Variants in CDH7 observed in about 807,000 individuals in gnomAD.
CDH7 encodes cadherin-7.
CDH7 carries 25 observed loss-of-function variants against 71.8 expected under a neutral mutation model. That is an observed-to-expected ratio of 0.35 (90% CI 0.25 to 0.49). The LOEUF is 0.49. Among genes scored for constraint, CDH7 ranks in the 20% least tolerant of loss-of-function variants. The pLI, the probability that CDH7 is intolerant of heterozygous loss-of-function variation, is 0.99. For synonymous variants in CDH7, 381 were observed against 363.8 expected, an observed-to-expected ratio of 1.05 and a Z score of -0.54; for missense variants, 862 against 974.6, an observed-to-expected ratio of 0.88 and a Z score of 1.54.
chr18:65,786,091 T>C (rs573536579), intron 2 of CDH7, among the ~76,000 whole-genome samples: 1 of 152,200 alleles, frequency 6.6e-6, no homozygotes, highest in African/African-American at 2.4e-5. Context: ...CCCATTAATA[T>C]GGTTGTAACA....
intron 6 of CDH7, among the ~76,000 whole-genome samples, chr18:65,831,910 C>G (rs572294620): frequency 6.6e-6 from 1 of 151,740 alleles, no homozygotes; most frequent in Non-Finnish European, 1.5e-5. Context: ...TCCACCAAAA[C>G]GAACAGTTTT....
intron 2 of CDH7, among the ~76,000 whole-genome samples, chr18:65,764,490 A>G (rs905534001): frequency 1.3e-5 from 2 of 151,988 alleles, no homozygotes; most frequent in African/African-American, 4.8e-5. Flanking sequence ...TATGCTAAAT[A>G]TCTGTCTCAC....
At chr18:65,770,689 A>G (rs1916515441) in intron 2 of CDH7, among the ~76,000 whole-genome samples, 1 of 152,212 alleles carries the variant, frequency 6.6e-6, no homozygotes, top group African/African-American at 2.4e-5. Context: ...TAATAAAATA[A>G]GTAGAATAAT....
At chr18:65,781,076 A>G (rs1754742970) in intron 2 of CDH7, among the ~76,000 whole-genome samples, 1 of 152,092 alleles carries the variant, frequency 6.6e-6, no homozygotes, top group African/African-American at 2.4e-5. Flanking sequence ...AAACACAAAT[A>G]AGAATCTTCC....
intron 10 of CDH7, among the ~76,000 whole-genome samples, chr18:65,861,068 T>A (rs1444399363): frequency 6.6e-6 from 1 of 152,160 alleles, no homozygotes; most frequent in Non-Finnish European, 1.5e-5. Context: ...ATATCCCCCA[T>A]GTGTCACCAT....
chr18:65,865,068 C>T (rs138889475), intron 11 of CDH7, among the ~76,000 whole-genome samples: 224 of 152,090 alleles, frequency 1.5e-3, no homozygotes, highest in African/African-American at 5.2e-3. Context: ...TTGTATTCCC[C>T]AAATTTTAAT....
chr18:65,782,165 C>CTTTCTTTCTTCCTTT (rs1568182737), intron 2 of CDH7, among the ~76,000 whole-genome samples: 3 of 25,516 alleles, frequency 1.2e-4, no homozygotes, highest in Non-Finnish European at 2.3e-4. Context: ...TTTCTTTCTT[C>CTTTCTTTCTTCCTTT]CTTTCTTTCT....
At chr18:65,872,052 G>C (rs1001900181) in intron 11 of CDH7, among the ~76,000 whole-genome samples, 3 of 152,054 alleles carry the variant, frequency 2.0e-5, no homozygotes, top group Non-Finnish European at 2.9e-5. Context: ...GAAAAGAGTG[G>C]CTACAAAAAA....
chr18:65,844,187 A>ATATATATC, intron 7 of CDH7, 122 bp downstream of exon 7: 1 of 257,024 alleles, frequency 3.9e-6, no homozygotes, highest in Non-Finnish European at 7.1e-6. Context: ...ATATATATAT[A>ATATATATC]TCGAGTTATA....
chr18:65,827,410 G>C (rs1411411204), intron 6 of CDH7, among the ~76,000 whole-genome samples: 5 of 151,758 alleles, frequency 3.3e-5, no homozygotes, highest in African/African-American at 1.2e-4. Flanking sequence ...AAGAATTCTT[G>C]TTCATCCTGA....
At chr18:65,781,940 CTCTCTT>C (rs1568181972) in intron 2 of CDH7, among the ~76,000 whole-genome samples, 26 of 98,414 alleles carry the variant, frequency 2.6e-4, no homozygotes, top group South Asian at 6.9e-4. Flanking sequence ...CTCTCTCTCT[CTCTCTT>C]TCTCTCTTTC....
chr18:65,805,495 T>C (rs1456030436), intron 2 of CDH7, among the ~76,000 whole-genome samples: 1 of 152,202 alleles, frequency 6.6e-6, no homozygotes, highest in Non-Finnish European at 1.5e-5. Flanking sequence ...TAAATATATT[T>C]GGTGAGCATG....
chr18:65,811,326 T>TATTAGAACAGAA (rs1911527718), intron 3 of CDH7, among the ~76,000 whole-genome samples: 1 of 152,138 alleles, frequency 6.6e-6, no homozygotes, highest in South Asian at 2.1e-4. Context: ...TTTCTGTTCC[T>TATTAGAACAGAA]ATTAGAAGAG....
intron 2 of CDH7, among the ~76,000 whole-genome samples, chr18:65,778,882 G>T (rs543680105): frequency 6.6e-6 from 1 of 151,780 alleles, no homozygotes; most frequent in Admixed American, 6.6e-5. Flanking sequence ...TTCACATTTG[G>T]CATCTTTTTC....
intron 2 of CDH7, among the ~76,000 whole-genome samples, chr18:65,781,904 C>A (rs1368243838): frequency 9.5e-6 from 1 of 105,292 alleles, no homozygotes; most frequent in Non-Finnish European, 1.8e-5. Context: ...TTCTCTCTAT[C>A]TTTCTCTCTT....
At chr18:65,783,642 G>T (rs1177622943) in intron 2 of CDH7, among the ~76,000 whole-genome samples, 3 of 152,120 alleles carry the variant, frequency 2.0e-5, no homozygotes, top group Non-Finnish European at 4.4e-5. Flanking sequence ...GACGTTGGTG[G>T]GCTGAAGATA....
At chr18:65,772,009 G>A (rs528572269) in intron 2 of CDH7, among the ~76,000 whole-genome samples, 28 of 152,262 alleles carry the variant, frequency 1.8e-4, no homozygotes, top group Non-Finnish European at 3.8e-4. Context: ...AGCAAGTTGT[G>A]TGTGTAAACA....
chr18:65,879,577 T>A (rs1236396011), intron 11 of CDH7, among the ~76,000 whole-genome samples: 1 of 152,210 alleles, frequency 6.6e-6, no homozygotes, highest in East Asian at 1.9e-4. Context: ...TTTCCTTATT[T>A]GTGTATACTA....
intron 4 of CDH7, among the ~76,000 whole-genome samples, chr18:65,817,342 G>C (rs1002501446): frequency 1.3e-4 from 20 of 152,116 alleles, no homozygotes; most frequent in Admixed American, 2.0e-4. Flanking sequence ...CAAGAGTGCT[G>C]TCTCTTTTGA....
Sources: allele counts gnomAD v4.1 joint callset (sites outside exome capture counted in the v4.1 genomes callset), GRCh38; gene constraint gnomAD v4.1.1; transcripts MANE v1.5; gene names NCBI Gene and HGNC (gene_info 2026-07-23, HGNC 2026-07-21).